Variants in SLC30A9 observed in about 807,000 individuals in gnomAD.
SLC30A9 encodes the protein proton-coupled zinc antiporter SLC30A9, mitochondrial.
In SLC30A9, 58 loss-of-function variants were observed where a neutral mutation model predicts 87.5. That is an observed-to-expected ratio of 0.66 (90% CI 0.54 to 0.82). The LOEUF (loss-of-function observed/expected upper bound fraction) is 0.82, where lower values mean the gene tolerates loss of function less well. Among genes scored for constraint, SLC30A9 ranks in the 40% least tolerant of loss-of-function variants. The pLI is 0.00. For missense variants in SLC30A9, 557 were observed against 679.1 expected, an observed-to-expected ratio of 0.82 and a Z score of 2.00; for synonymous variants, 234 against 233.0, an observed-to-expected ratio of 1.00 and a Z score of -0.04.
rs1221131211 is a variant in SLC30A9 at position 41,990,732 on chromosome 4, G to A, written c.81G>A (p.Ala27=). The A allele has an allele frequency of 1.2e-6, 2 of 1,611,380 alleles. No homozygotes were observed. Among genetic ancestry groups the A allele is most frequent in the East Asian group, 2.2e-5 (1 of 44,820 alleles). ...SLCRLRLRCR[A]AACNPSDRQE... is the part of the protein sequence containing the mutation. Reference sequence around the variant, plus strand: ...GCCGGCTCCGTCTGCGATGCAGGGCGGCGGCCTGTAATCCCAGCGACCGCC... The same window carrying A: ...GCCGGCTCCGTCTGCGATGCAGGGCAGCGGCCTGTAATCCCAGCGACCGCC... The change falls in exon 1 of 18, where the codon GCG becomes GCA. Residue 27 remains alanine (A), a synonymous_variant. Transcript: ENST00000264451.
intron 9 of SLC30A9, among the ~76,000 whole-genome samples, chr4:42,051,903 A>AG (rs1717397372): frequency 6.6e-6 from 1 of 151,806 alleles, no homozygotes; most frequent in African/African-American, 2.4e-5. Context: ...TCATTATGAG[A>AG]GGGAAAAAAC....
In SLC30A9 at chr4:42,039,159, G is replaced by A. The variant is rs950091161; in HGVS notation, c.737+106G>A. ...ATGGTAGCTAGCTATAGAGTTTGAG[G>A]TTTATTTTGTTTTAGGAGGAAATTG... On this transcript the variant is annotated intron_variant, in intron 8 of 17. Transcript: ENST00000264451. The A allele has an allele frequency of 8.0e-5, 65 of 814,680 alleles. No homozygotes were observed. The East Asian group carries it at 1.7e-3, about 22-fold the overall frequency. 50.5% of individuals were successfully genotyped at this position (814,680 alleles called of 1,614,324 possible). A position where few individuals can be genotyped will look rare whatever the true frequency, so the allele number is the denominator to read the frequency against.
chr4:42,081,936 G>A (rs775538321), intron 17 of SLC30A9, among the ~76,000 whole-genome samples: 1 of 152,122 alleles, frequency 6.6e-6, no homozygotes, highest in Non-Finnish European at 1.5e-5. Flanking sequence ...AAGCATGGCC[G>A]GGCGCGTGCG....
At chr4:42,036,137 C>G (rs1007781339) in intron 7 of SLC30A9, among the ~76,000 whole-genome samples, 1 of 152,180 alleles carries the variant, frequency 6.6e-6, no homozygotes, top group African/African-American at 2.4e-5. Context: ...AGTATGTTCA[C>G]CTTCCCACTC....
At chr4:42,014,447 C>G (rs1272319320) in intron 2 of SLC30A9, among the ~76,000 whole-genome samples, 1 of 151,992 alleles carries the variant, frequency 6.6e-6, no homozygotes, top group Non-Finnish European at 1.5e-5. Context: ...GTCCCAGCTA[C>G]TCGGGAGGCT....
chr4:42,042,192 G>C (rs913999742), intron 8 of SLC30A9, among the ~76,000 whole-genome samples: 4 of 152,100 alleles, frequency 2.6e-5, no homozygotes, highest in South Asian at 2.1e-4. Context: ...GTGGTGCCTC[G>C]AATGCCAGTG....
chr4:42,028,874 G>A (rs1716300878), intron 6 of SLC30A9, among the ~76,000 whole-genome samples: 1 of 152,146 alleles, frequency 6.6e-6, no homozygotes, highest in South Asian at 2.1e-4. Context: ...ACACTGAGTG[G>A]CTTAGAAAAT....
chr4:42,029,484 T>G, intron 6 of SLC30A9: 1 of 662,976 alleles, frequency 1.5e-6, no homozygotes, highest in Non-Finnish European at 2.8e-6. Flanking sequence ...AAATTGCCTT[T>G]CATCCTAATG....
At chr4:42,082,144 G>A (rs1254456667) in intron 17 of SLC30A9, among the ~76,000 whole-genome samples, 1 of 151,746 alleles carries the variant, frequency 6.6e-6, no homozygotes, top group Non-Finnish European at 1.5e-5. Context: ...ATGAACCCAG[G>A]AGGCAGAGCT....
At chr4:42,024,478 T>G (rs996625582) in intron 6 of SLC30A9, among the ~76,000 whole-genome samples, 6 of 152,262 alleles carry the variant, frequency 3.9e-5, no homozygotes, top group African/African-American at 1.4e-4. Context: ...GCAAGATTTA[T>G]GTTCTTCAGT....
At chr4:42,009,999 C>T (rs981072035) in intron 2 of SLC30A9, among the ~76,000 whole-genome samples, 7 of 152,152 alleles carry the variant, frequency 4.6e-5, no homozygotes, top group Non-Finnish European at 2.9e-5. Flanking sequence ...AATTTGCTTG[C>T]TGTGTAGCGA....
At chr4:42,065,793 T>A (rs950581475) in intron 12 of SLC30A9, among the ~76,000 whole-genome samples, 2 of 152,248 alleles carry the variant, frequency 1.3e-5, no homozygotes, top group Non-Finnish European at 2.9e-5. Context: ...CCACCACCAC[T>A]ACTATCGCTG....
chr4:42,024,069 T>C (rs76593861), intron 6 of SLC30A9, among the ~76,000 whole-genome samples: 3,869 of 152,278 alleles, frequency 0.025, 74 homozygotes, highest in African/African-American at 0.041. Flanking sequence ...AGCCAAATCA[T>C]ATCAATTACT....
intron 2 of SLC30A9, among the ~76,000 whole-genome samples, chr4:42,011,582 G>T (rs1176088416): frequency 6.6e-6 from 1 of 152,140 alleles, no homozygotes; most frequent in African/African-American, 2.4e-5. Flanking sequence ...AGAATGAAAG[G>T]ATATACCCTA....
At chr4:42,081,289 T>C (rs1007507855) in intron 17 of SLC30A9, among the ~76,000 whole-genome samples, 2 of 152,222 alleles carry the variant, frequency 1.3e-5, no homozygotes, top group African/African-American at 4.8e-5. Context: ...ATGAAAGACT[T>C]TTTTAAATGA....
chr4:42,037,109 T>G (rs187560150), intron 7 of SLC30A9, among the ~76,000 whole-genome samples: 25 of 152,284 alleles, frequency 1.6e-4, no homozygotes, highest in Admixed American at 1.6e-3. Flanking sequence ...GACATTAGGA[T>G]AAAACTAGTA....
intron 17 of SLC30A9, among the ~76,000 whole-genome samples, chr4:42,079,900 G>GC (rs1718693037): frequency 6.6e-6 from 1 of 152,188 alleles, no homozygotes; most frequent in Non-Finnish European, 1.5e-5. Context: ...ACAAGCGTGA[G>GC]CCACCATGCC....
chr4:41,997,482 A>G (rs1714770873), intron 1 of SLC30A9, among the ~76,000 whole-genome samples: 2 of 152,092 alleles, frequency 1.3e-5, no homozygotes, highest in Admixed American at 6.5e-5. Context: ...CAGGGAAAGT[A>G]TAAGGTATAA....
rs1200089305 is a variant in SLC30A9 at position 42,086,796 on chromosome 4, CT to C, written c.*676del. 3.3e-5 allele frequency: 5 copies of C among 152,474 alleles called. No individual in the cohort carries two copies. The highest frequency in any genetic ancestry group is 7.4e-5 in the Non-Finnish European group (5 of 67,978). 9.4% of individuals were successfully genotyped at this position (152,474 alleles called of 1,614,324 possible). On this transcript the variant is annotated 3_prime_UTR_variant, in exon 18 of 18. Transcript: ENST00000264451. ...TAGTAGTTGCCATTTTGTAAAATTT[CT>C]TTTTTCTTCTTTGCTTTTTTCCCCT...
Sources: allele counts gnomAD v4.1 joint callset (sites outside exome capture counted in the v4.1 genomes callset), GRCh38; gene constraint gnomAD v4.1.1; transcripts MANE v1.5; gene names NCBI Gene and HGNC (gene_info 2026-07-23, HGNC 2026-07-21).